The following HDAC4 variants were observed in gnomAD, a reference collection of about 807,000 sequenced individuals.
HDAC4 encodes the protein histone deacetylase 4, also known as histone deacetylase A.
In HDAC4, 16 loss-of-function variants were observed where a neutral mutation model predicts 135.1. That is an observed-to-expected ratio of 0.12 (90% CI 0.08 to 0.18). The LOEUF (loss-of-function observed/expected upper bound fraction) is 0.18. HDAC4 is among the 10% of genes least tolerant of loss of function. The probability of loss-of-function intolerance (pLI) is 1.00; values close to 1 mark genes in which losing one functional copy is unlikely to be tolerated. For synonymous variants in HDAC4, 685 were observed against 653.4 expected, an observed-to-expected ratio of 1.05 and a Z score of -0.74; for missense variants, 1,143 against 1,511.8, an observed-to-expected ratio of 0.76 and a Z score of 4.05.
intron 3 of HDAC4, among the ~76,000 whole-genome samples, chr2:239,198,750 G>A (rs148326199): frequency 2.0e-5 from 3 of 152,100 alleles, no homozygotes; most frequent in African/African-American, 7.2e-5. Context: ...CCATCTTTGT[G>A]AGCTTATGAC....
chr2:239,319,373 A>G (rs2125752040), intron 2 of HDAC4, among the ~76,000 whole-genome samples: 1 of 152,304 alleles, frequency 6.6e-6, no homozygotes, highest in South Asian at 2.1e-4. Context: ...CCAACAACAA[A>G]CATAAAAATG....
intron 2 of HDAC4, among the ~76,000 whole-genome samples, chr2:239,329,302 A>C (rs915931108): frequency 6.6e-6 from 1 of 152,224 alleles, no homozygotes; most frequent in African/African-American, 2.4e-5. Context: ...CTGCTAGTAA[A>C]ATTCCTTTCT....
intron 12 of HDAC4, among the ~76,000 whole-genome samples, chr2:239,120,087 G>A (rs879473239): frequency 9.9e-5 from 15 of 152,206 alleles, no homozygotes; most frequent in South Asian, 2.1e-4. Context: ...GCCCCGGGAC[G>A]GGGAGGTGGG....
At chr2:239,102,522 A>T (rs2037759589) in intron 16 of HDAC4, 1 of 493,530 alleles carries the variant, frequency 2.0e-6, no homozygotes, top group Admixed American at 3.3e-5. Context: ...TCTCAAACCT[A>T]AACTCTGATT....
intron 2 of HDAC4, among the ~76,000 whole-genome samples, chr2:239,329,094 C>T (rs548338619): frequency 8.0e-4 from 122 of 152,314 alleles, no homozygotes; most frequent in African/African-American, 2.8e-3. Context: ...AACTCCTGGC[C>T]CCAGATGGAG....
At chr2:239,284,491 G>A (rs1027647425) in intron 2 of HDAC4, among the ~76,000 whole-genome samples, 6 of 152,194 alleles carry the variant, frequency 3.9e-5, no homozygotes, top group Admixed American at 2.0e-4. Context: ...TGTGGCCCTC[G>A]TAGTCAGGGG....
Position 239,146,347 on chromosome 2 carries a change from C to T in HDAC4, c.734-1633G>A, listed in dbSNP as rs772276390. On this transcript the variant is annotated intron_variant, in intron 7 of 26. Coordinates refer to ENST00000543185, the MANE Select transcript of HDAC4 (RefSeq NM_001378414.1). The surrounding 1 kb of genome is among the most constrained non-coding windows in gnomAD (Gnocchi z 4.5). The stretch of plus-strand genomic sequence containing the variant: ...CCACATGGGCTCTGCAGGGATTCCC[C>T]GGGCCTGGGACAGGAGCCACTTCTG... Among the ~76,000 whole-genome samples, 2 of 152,230 alleles carry T rather than the reference C, an allele frequency of 1.3e-5. No individual in the cohort carries two copies. The highest frequency in any genetic ancestry group is 2.4e-5 in the African/African-American group (1 of 41,462).
At chr2:239,067,766 C>T (rs955062765) in intron 23 of HDAC4, among the ~76,000 whole-genome samples, 8 of 152,190 alleles carry the variant, frequency 5.3e-5, no homozygotes, top group African/African-American at 2.4e-5. Context: ...ACCTGAGAGA[C>T]GGGCCCCTCC....
chr2:239,298,060 C>T (rs923179530), intron 2 of HDAC4: 1 of 515,102 alleles, frequency 1.9e-6, no homozygotes. Flanking sequence ...TGAAGAGATA[C>T]CTGTGTGTCA....
intron 15 of HDAC4, 125 bp downstream of exon 15, chr2:239,107,925 T>A: frequency 8.3e-7 from 1 of 1,204,706 alleles, no homozygotes; most frequent in South Asian, 1.3e-5. Flanking sequence ...TTGTGGCCCT[T>A]CCCCCGGGGC....
At position 239,048,909 on chromosome 2, in the gene HDAC4, C is replaced by T. The variant is rs2030390390; in HGVS notation, c.*4188G>A. Reference sequence around the variant, plus strand: ...CAACACAGCTGTGCGGAAAAGGGGACTCTTTCGAGTCCGCCCAGTTCTCAA... The same window carrying T: ...CAACACAGCTGTGCGGAAAAGGGGATTCTTTCGAGTCCGCCCAGTTCTCAA... On this transcript the variant is annotated 3_prime_UTR_variant, in exon 27 of 27. Transcript: ENST00000543185. 6.6e-6 allele frequency: 1 copy of T among 152,228 alleles called. No homozygotes were observed. The highest frequency in any genetic ancestry group is 1.5e-5 in the Non-Finnish European group (1 of 68,048). 9.4% of individuals were successfully genotyped at this position (152,228 alleles called of 1,614,324 possible).
rs112664569 is a variant in HDAC4 at position 239,087,193 on chromosome 2, C to T, written c.2444+366G>A. On this transcript the variant is annotated intron_variant, in intron 19 of 26. Transcript: ENST00000543185. ...TTCGGCAGGCAGCTAAAAGGCCATG[C>T]GCAAAATGACCTGAGTCCTCTAGAC... Among the ~76,000 whole-genome samples, 801 of 152,322 alleles carry T rather than the reference C, an allele frequency of 5.3e-3. 6 individuals are homozygous for T. Among genetic ancestry groups the T allele is most frequent in the African/African-American group, 0.018 (762 of 41,566 alleles).
intron 3 of HDAC4, among the ~76,000 whole-genome samples, chr2:239,218,125 T>C (rs1273582121): frequency 6.6e-6 from 1 of 151,954 alleles, no homozygotes; most frequent in Non-Finnish European, 1.5e-5. Flanking sequence ...AATATAAAAT[T>C]GGATGAAAAT....
At position 239,161,872 on chromosome 2, in the gene HDAC4, C is replaced by A. The variant is rs1329347177; in HGVS notation, c.611+1931G>T. The A allele has an allele frequency of 8.1e-6, 3 of 371,654 alleles. No homozygotes were observed. In the East Asian group the frequency reaches 2.2e-4, roughly 27 times the overall value. The allele number at this position is 371,654 out of a possible 1,614,324, so 23.0% of individuals were successfully genotyped here. On this transcript the variant is annotated intron_variant, in intron 6 of 26. Coordinates refer to ENST00000543185, the MANE Select transcript of HDAC4 (RefSeq NM_001378414.1). ...CCGTCTCTCAGCACGTCCCTCAGCG[C>A]CCTGAGGCTGCCCCAGGCCACTTCT...
chr2:239,212,841 G>A (rs1018188608), intron 3 of HDAC4, among the ~76,000 whole-genome samples: 3 of 152,194 alleles, frequency 2.0e-5, no homozygotes, highest in African/African-American at 4.8e-5. Context: ...ACCTGGCCAG[G>A]AAGATAAGCA....
At chr2:239,369,038 T>C (rs1694418739) in intron 1 of HDAC4, among the ~76,000 whole-genome samples, 1 of 152,014 alleles carries the variant, frequency 6.6e-6, no homozygotes, top group African/African-American at 2.4e-5. Flanking sequence ...CCAGGGAAGC[T>C]GCAGGAAGGT....
rs900825854 is a variant in HDAC4 at position 239,306,098 on chromosome 2, C to A, written c.22+46580G>T. On this transcript the variant is annotated intron_variant, in intron 2 of 26. Transcript: ENST00000543185. This position sits in a 1 kb window ranked among gnomAD's most constrained non-coding sequence, Gnocchi z 4.5. ...AAGTAACTACTTCATCACTCAAGGTCCCAAAGAATGCTGCCCACCTCGGTC... is the reference window on the plus strand; with the variant it reads ...AAGTAACTACTTCATCACTCAAGGTACCAAAGAATGCTGCCCACCTCGGTC... Among the ~76,000 whole-genome samples the A allele has an allele frequency of 6.6e-6, 1 of 152,196 alleles. No individual in the cohort carries two copies. The highest frequency in any genetic ancestry group is 2.4e-5 in the African/African-American group (1 of 41,466).
chr2:239,151,455 T>C (rs1414879265), intron 7 of HDAC4, among the ~76,000 whole-genome samples: 2 of 152,050 alleles, frequency 1.3e-5, no homozygotes, highest in East Asian at 1.9e-4. Context: ...ATCTAAGCAA[T>C]GGATGGATGT....
At chr2:239,057,861 A>G (rs13423411) in intron 24 of HDAC4, among the ~76,000 whole-genome samples, 10,062 of 152,276 alleles carry the variant, frequency 0.066, 1,123 homozygotes, top group African/African-American at 0.23. Flanking sequence ...AAGTACAGGA[A>G]AGCCTGGATG....
Sources: gnomAD v4.1 joint callset for allele counts (sites outside exome capture counted in the v4.1 genomes callset) on GRCh38, gnomAD v4.1.1 for gene constraint, Gnocchi (gnomAD v3.1) non-coding constraint, MANE v1.5 for transcripts, NCBI Gene and HGNC (gene_info 2026-07-23, HGNC 2026-07-21) for gene names.